PRPF19: variants seen among roughly 807,000 people sequenced by gnomAD.
PRPF19 encodes the protein pre-mRNA processing factor 19, also known as pre-mRNA-processing factor 19.
Under a neutral mutation model 64.2 loss-of-function variants are expected in PRPF19, and 2 were observed. The ratio of observed to expected loss-of-function variants is 0.03; its 90% confidence interval spans 0.01 to 0.10. The LOEUF (loss-of-function observed/expected upper bound fraction) is 0.10, where lower values mean the gene tolerates loss of function less well. Ranked by LOEUF, PRPF19 falls within the 10% of genes least tolerant of loss-of-function variation. The pLI is 1.00. For missense variants in PRPF19, 314 were observed against 650.0 expected, an observed-to-expected ratio of 0.48 and a Z score of 5.62; for synonymous variants, 226 against 251.6, an observed-to-expected ratio of 0.90 and a Z score of 0.96.
At position 60,906,431 on chromosome 11, in the gene PRPF19, G is replaced by C. The variant is rs1469844003; in HGVS notation, c.-49C>G. The C allele has an allele frequency of 2.0e-6, 3 of 1,519,040 alleles. No individual in the cohort carries two copies. Among genetic ancestry groups the C allele is most frequent in the Non-Finnish European group, 2.6e-6 (3 of 1,132,660 alleles). 94.1% of individuals were successfully genotyped at this position (1,519,040 alleles called of 1,614,324 possible). On this transcript the variant is annotated 5_prime_UTR_variant, in exon 1 of 16. Transcript: ENST00000227524. ...CGCCACACGCCGGGCTCCGGGACTA[G>C]CTTCTGAGCCTCCGCGAGCCACTTC...
chr11:60,898,973 G>A lies in PRPF19; in HGVS notation c.985-42C>T. 1 of 1,542,858 alleles carries A rather than the reference G, an allele frequency of 6.5e-7. No individual in the cohort carries two copies. Among genetic ancestry groups the A allele is most frequent in the Non-Finnish European group, 8.8e-7 (1 of 1,136,402 alleles). On this transcript the variant is annotated intron_variant, in intron 11 of 15. Transcript: ENST00000227524. The surrounding 1 kb of genome is among the most constrained non-coding windows in gnomAD (Gnocchi z 4.6). ...AGACAATGGAGTCAGTGAGAAAGTGGGTCCCAGGTTCTGGTGGCCCTTCAG... is the reference window on the plus strand; with the variant it reads ...AGACAATGGAGTCAGTGAGAAAGTGAGTCCCAGGTTCTGGTGGCCCTTCAG...
In PRPF19 at chr11:60,898,848, A is replaced by G. The variant is rs760093353; in HGVS notation, c.1054+14T>C. ...CAGCAAACAAAAAAGCTGAGTGCCT[A>G]TGAGGCAACTTACAGCAGCCGGAGG... On this transcript the variant is annotated intron_variant, in intron 12 of 15. Coordinates refer to ENST00000227524, the MANE Select transcript of PRPF19 (RefSeq NM_014502.5). The surrounding 1 kb of genome is among the most constrained non-coding windows in gnomAD (Gnocchi z 4.6). The G allele has an allele frequency of 6.9e-6, 11 of 1,586,814 alleles. No homozygotes were observed. The highest frequency in any genetic ancestry group is 2.7e-5 in the African/African-American group (2 of 74,364).
Position 60,898,787 on chromosome 11 carries a change from C to T in PRPF19, c.1054+75G>A, listed in dbSNP as rs374408716. 30 of 1,499,684 alleles carry T rather than the reference C, an allele frequency of 2.0e-5. No individual in the cohort carries two copies. Among genetic ancestry groups the T allele is most frequent in the Non-Finnish European group, 2.7e-5 (30 of 1,115,730 alleles). 92.9% of individuals were successfully genotyped at this position (1,499,684 alleles called of 1,614,324 possible). ...TAAATATATCTTTAGAACAAATAAA[C>T]AAATGACTAAATAAAATGTAAAAAT... On this transcript the variant is annotated intron_variant, in intron 12 of 15. Transcript: ENST00000227524. This position sits in a 1 kb window ranked among gnomAD's most constrained non-coding sequence, Gnocchi z 4.6.
intron 15 of PRPF19, among the ~76,000 whole-genome samples, chr11:60,893,027 T>G (rs1855879922): frequency 6.6e-6 from 1 of 151,970 alleles, no homozygotes; most frequent in South Asian, 2.1e-4. Context: ...TGTCACATAA[T>G]GACATGTCAG....
At position 60,906,542 on chromosome 11, in the gene PRPF19, T is replaced by G; in HGVS notation, c.-160A>C. On this transcript the variant is annotated 5_prime_UTR_variant, in exon 1 of 16. Coordinates refer to ENST00000227524, the MANE Select transcript of PRPF19 (RefSeq NM_014502.5). ...GCTAGCGTAGCGCTTCACGTGGGAA[T>G]GGGGACAGCCGCGCGCCACAGCCTT... is the stretch of plus-strand genomic sequence containing the variant. 1.4e-6 allele frequency: 1 copy of G among 724,122 alleles called. No homozygotes were observed. Among genetic ancestry groups the G allele is most frequent in the Non-Finnish European group, 2.2e-6 (1 of 455,040 alleles). The allele number at this position is 724,122 out of a possible 1,614,324, so 44.9% of individuals were successfully genotyped here. A position where few individuals can be genotyped will look rare whatever the true frequency, so the allele number is the denominator to read the frequency against.
At chr11:60,904,271 T>C (rs1299569284) in intron 1 of PRPF19, among the ~76,000 whole-genome samples, 2 of 152,218 alleles carry the variant, frequency 1.3e-5, no homozygotes, top group Non-Finnish European at 2.9e-5. Context: ...TCTTAGTCTA[T>C]AGCTCCAGAC....
rs1316984502 is a variant in PRPF19, at chr11:60,897,954, G to T, written c.1312-3C>A. 2.5e-6 allele frequency: 4 copies of T among 1,613,728 alleles called. No homozygotes were observed. Among genetic ancestry groups the T allele is most frequent in the Non-Finnish European group, 3.4e-6 (4 of 1,179,744 alleles). On this transcript the variant is annotated splice_region_variant and splice_polypyrimidine_tract_variant and intron_variant, in intron 14 of 15. Transcript: ENST00000227524. ...TGGTCAAAGATCAGTGACTTTACCT[G>T]CCAGAAATAGAAAGAGAGAAGGTCA... is the stretch of plus-strand genomic sequence containing the variant.
chr11:60,894,684 A>G (rs1404008633), intron 15 of PRPF19, among the ~76,000 whole-genome samples: 1 of 152,178 alleles, frequency 6.6e-6, no homozygotes, highest in East Asian at 1.9e-4. Flanking sequence ...AGAATGGTGA[A>G]TCCTTTCCAG....
In PRPF19 at chr11:60,890,889, C is replaced by T. The variant is rs1038218867; in HGVS notation, c.*277G>A. Reference sequence around the variant, plus strand: ...AACAGCCACCACCACGTCCATTGAACGACAGGAAGGGAGAGGCCCTGGGCT... The same window carrying T: ...AACAGCCACCACCACGTCCATTGAATGACAGGAAGGGAGAGGCCCTGGGCT... On this transcript the variant is annotated 3_prime_UTR_variant, in exon 16 of 16. Transcript: ENST00000227524. The T allele has an allele frequency of 2.7e-5, 15 of 564,312 alleles. No homozygotes were observed. Among genetic ancestry groups the T allele is most frequent in the Middle Eastern group, 2.9e-4 (1 of 3,408 alleles). The allele number at this position is 564,312 out of a possible 1,614,324, so 35.0% of individuals were successfully genotyped here.
Position 60,906,387 on chromosome 11 carries a change from C to T in PRPF19, c.-5G>A. Reference sequence around the variant, plus strand: ...ACTGGAGCAGATTAGGGACATGGCGCCGTCACCGTGCTCCGAGGCGCCACA... The same window carrying T: ...ACTGGAGCAGATTAGGGACATGGCGTCGTCACCGTGCTCCGAGGCGCCACA... On this transcript the variant is annotated 5_prime_UTR_variant, in exon 1 of 16. Transcript: ENST00000227524. 1.3e-6 allele frequency: 2 copies of T among 1,591,778 alleles called. No individual in the cohort carries two copies. The highest frequency in any genetic ancestry group is 2.3e-5 in the South Asian group (2 of 88,402).
Position 60,900,702 on chromosome 11 carries a change from C to A in PRPF19, c.719-11G>T. Reference sequence around the variant, plus strand: ...TTTTATCCGCCCCACCTGGAGAAGACCCAAAAAGACCAAACAATGAGTCAG... The same window carrying A: ...TTTTATCCGCCCCACCTGGAGAAGAACCAAAAAGACCAAACAATGAGTCAG... On this transcript the variant is annotated splice_polypyrimidine_tract_variant and intron_variant, in intron 9 of 15. Coordinates refer to ENST00000227524, the MANE Select transcript of PRPF19 (RefSeq NM_014502.5). 6.4e-7 allele frequency: 1 copy of A among 1,559,356 alleles called. No homozygotes were observed. Among genetic ancestry groups the A allele is most frequent in the Non-Finnish European group, 8.7e-7 (1 of 1,150,286 alleles).
intron 15 of PRPF19, among the ~76,000 whole-genome samples, chr11:60,896,089 C>T (rs1003771468): frequency 6.6e-6 from 1 of 152,148 alleles, no homozygotes. Flanking sequence ...GACAGACTTG[C>T]TTGGGGCAAG....
At chr11:60,899,383 G>A (rs1855957619) in intron 10 of PRPF19, 79 bp from the exon 11 acceptor site, 3 of 1,437,996 alleles carry the variant, frequency 2.1e-6, no homozygotes, top group South Asian at 1.3e-5. Flanking sequence ...CGGGGCTGGG[G>A]ATGCCCACAA....
chr11:60,906,146 T>A (rs920592821), intron 1 of PRPF19, among the ~76,000 whole-genome samples: 7 of 152,244 alleles, frequency 4.6e-5, no homozygotes, highest in Non-Finnish European at 1.0e-4. Flanking sequence ...CAGTAATGTC[T>A]GCGACAATAA....
chr11:60,890,831 T>A lies in PRPF19; in HGVS notation c.*335A>T, dbSNP rs929266778. Reference sequence around the variant, plus strand: ...ACAGTTCCCTTGGCTCAGCCTCTCCTGTCTCACAGGAACTGCAACAAAATG... The same window carrying A: ...ACAGTTCCCTTGGCTCAGCCTCTCCAGTCTCACAGGAACTGCAACAAAATG... On this transcript the variant is annotated 3_prime_UTR_variant, in exon 16 of 16. Coordinates refer to ENST00000227524, the MANE Select transcript of PRPF19 (RefSeq NM_014502.5). The A allele has an allele frequency of 2.0e-6, 1 of 490,966 alleles. No individual in the cohort carries two copies. The highest frequency in any genetic ancestry group is 1.5e-5 in the South Asian group (1 of 64,930). 30.4% of individuals were successfully genotyped at this position (490,966 alleles called of 1,614,324 possible).
chr11:60,900,243 C>T (rs939839846), intron 10 of PRPF19, among the ~76,000 whole-genome samples: 17 of 152,148 alleles, frequency 1.1e-4, no homozygotes, highest in Non-Finnish European at 2.1e-4. Flanking sequence ...CTGTCCTCCT[C>T]GTAAGTGTGA....
At chr11:60,903,630 T>C (rs1362955676) in intron 2 of PRPF19, 82 bp downstream of exon 2, 2 of 1,585,166 alleles carry the variant, frequency 1.3e-6, no homozygotes, top group African/African-American at 2.7e-5. Flanking sequence ...CCACCATCTC[T>C]TCCTCCAGTG....
intron 1 of PRPF19, 33 bp from the exon 2 acceptor site, chr11:60,903,894 T>A (rs1565112231): frequency 2.5e-6 from 4 of 1,599,026 alleles, no homozygotes; most frequent in Non-Finnish European, 3.4e-6. Context: ...GAGCTTGGAG[T>A]GAAGGCAATC....
At chr11:60,903,683 G>A in intron 2 of PRPF19, 29 bp downstream of exon 2, 2 of 1,578,096 alleles carry the variant, frequency 1.3e-6, no homozygotes, top group South Asian at 1.2e-5. Context: ...GAGCTAAGAT[G>A]GCCCTAGACT....
Sources: gnomAD v4.1 joint callset for allele counts (sites outside exome capture counted in the v4.1 genomes callset) on GRCh38, gnomAD v4.1.1 for gene constraint, Gnocchi (gnomAD v3.1) non-coding constraint, MANE v1.5 for transcripts, NCBI Gene and HGNC (gene_info 2026-07-23, HGNC 2026-07-21) for gene names.